ANKS1B: variants seen among roughly 807,000 people sequenced by gnomAD.
ANKS1B encodes ankyrin repeat and sterile alpha motif domain containing 1B.
Under a neutral mutation model 148.3 loss-of-function variants are expected in ANKS1B, and 36 were observed. The ratio of observed to expected loss-of-function variants is 0.24; its 90% CI spans 0.19 to 0.32. The LOEUF (loss-of-function observed/expected upper bound fraction) is 0.32, where lower values mean the gene tolerates loss of function less well. Ranked by LOEUF, ANKS1B falls within the 10% of genes least tolerant of loss-of-function variation. ANKS1B has a pLI of 1.00. For missense variants in ANKS1B, 1,157 were observed against 1,542.6 expected, an observed-to-expected ratio of 0.75 and a Z score of 4.19; for synonymous variants, 542 against 560.8, an observed-to-expected ratio of 0.97 and a Z score of 0.47.
At chr12:98,982,630 T>C (rs1358724389) in intron 17 of ANKS1B, among the ~76,000 whole-genome samples, 1 of 152,246 alleles carries the variant, frequency 6.6e-6, no homozygotes, top group Non-Finnish European at 1.5e-5. Flanking sequence ...TTTGAATGCA[T>C]GAACCTAATA....
At chr12:98,800,401 C>T (rs1252088203) in intron 21 of ANKS1B, among the ~76,000 whole-genome samples, 1 of 151,896 alleles carries the variant, frequency 6.6e-6, no homozygotes. Flanking sequence ...AAGGTTCAGC[C>T]ACTTTTTCTG....
At chr12:99,590,258 C>CA (rs1567422900) in intron 9 of ANKS1B, among the ~76,000 whole-genome samples, 2,459 of 132,868 alleles carry the variant, frequency 0.019, 47 homozygotes, top group African/African-American at 0.042. Context: ...CCACACCCAC[C>CA]CACACACACA....
intron 12 of ANKS1B, among the ~76,000 whole-genome samples, chr12:99,311,426 G>T (rs1282952554): frequency 6.6e-6 from 1 of 152,052 alleles, no homozygotes; most frequent in Non-Finnish European, 1.5e-5. Context: ...CAAAAGAAGG[G>T]CATATATATG....
intron 17 of ANKS1B, among the ~76,000 whole-genome samples, chr12:98,950,098 G>A (rs1387570025): frequency 1.3e-5 from 2 of 152,254 alleles, no homozygotes; most frequent in Non-Finnish European, 2.9e-5. Context: ...TGAAGTGAAA[G>A]AAGTCAGTGA....
At chr12:98,896,316 A>G (rs1352239512) in intron 17 of ANKS1B, among the ~76,000 whole-genome samples, 2 of 152,228 alleles carry the variant, frequency 1.3e-5, no homozygotes, top group Non-Finnish European at 2.9e-5. Context: ...TAGAAATATG[A>G]ATGAATTATT....
At chr12:99,800,552 T>C (rs1021172591) in intron 4 of ANKS1B, among the ~76,000 whole-genome samples, 2 of 151,506 alleles carry the variant, frequency 1.3e-5, no homozygotes, top group African/African-American at 4.9e-5. Context: ...AAATTCTGGA[T>C]ACAATTTGAG....
chr12:98,984,662 C>T (rs563195289), intron 17 of ANKS1B, among the ~76,000 whole-genome samples: 6 of 152,176 alleles, frequency 3.9e-5, no homozygotes, highest in Admixed American at 6.5e-5. Context: ...TTTCTTAGTC[C>T]GCACTGACAG....
intron 12 of ANKS1B, among the ~76,000 whole-genome samples, chr12:99,303,507 T>C (rs2154021799): frequency 6.6e-6 from 1 of 152,228 alleles, no homozygotes; most frequent in Non-Finnish European, 1.5e-5. Flanking sequence ...AAAAGGTGCC[T>C]GTACACATCC....
At chr12:98,882,475 C>G (rs2099710549) in intron 17 of ANKS1B, among the ~76,000 whole-genome samples, 1 of 152,146 alleles carries the variant, frequency 6.6e-6, no homozygotes, top group African/African-American at 2.4e-5. Flanking sequence ...AATAAACAAT[C>G]TAGCTATTGC....
chr12:98,778,906 G>C (rs942711241), intron 24 of ANKS1B, among the ~76,000 whole-genome samples: 3 of 152,152 alleles, frequency 2.0e-5, no homozygotes, highest in African/African-American at 7.2e-5. Context: ...TGTCATACTG[G>C]GGGAGATCAG....
At chr12:99,597,367 T>A (rs1296945900) in intron 9 of ANKS1B, among the ~76,000 whole-genome samples, 1 of 151,974 alleles carries the variant, frequency 6.6e-6, no homozygotes, top group African/African-American at 2.4e-5. Flanking sequence ...TTTTCCCTTA[T>A]GAATGAAGAA....
At chr12:99,026,677 T>C (rs941942387) in intron 17 of ANKS1B, among the ~76,000 whole-genome samples, 4 of 152,192 alleles carry the variant, frequency 2.6e-5, no homozygotes, top group African/African-American at 9.7e-5. Flanking sequence ...TCAGGCTAAC[T>C]ACTCTGCCAT....
chr12:99,759,195 T>C (rs1233916127), intron 8 of ANKS1B, among the ~76,000 whole-genome samples: 1 of 151,928 alleles, frequency 6.6e-6, no homozygotes, highest in Non-Finnish European at 1.5e-5. Context: ...GTTAGGAAAC[T>C]GTAAACAAAC....
intron 8 of ANKS1B, among the ~76,000 whole-genome samples, chr12:99,719,168 A>T (rs2057791682): frequency 6.6e-6 from 1 of 152,114 alleles, no homozygotes; most frequent in Non-Finnish European, 1.5e-5. Context: ...CTGCTTTAAT[A>T]CTTTTAGAGG....
intron 15 of ANKS1B, among the ~76,000 whole-genome samples, chr12:99,142,987 C>A (rs574008155): frequency 1.3e-5 from 2 of 152,180 alleles, no homozygotes; most frequent in Non-Finnish European, 2.9e-5. Context: ...CAGGATTACA[C>A]CTTTCTGAAA....
chr12:99,046,143 G>A (rs2099962163), intron 17 of ANKS1B, among the ~76,000 whole-genome samples: 1 of 152,106 alleles, frequency 6.6e-6, no homozygotes, highest in South Asian at 2.1e-4. Context: ...CCTCGTGGTG[G>A]GGAAGTATTG....
intron 25 of ANKS1B, among the ~76,000 whole-genome samples, chr12:98,769,986 T>C (rs2098545939): frequency 6.6e-6 from 1 of 152,222 alleles, no homozygotes; most frequent in Non-Finnish European, 1.5e-5. Context: ...AGGAAAACTT[T>C]GGAAGATAAA....
At chr12:98,846,517 A>G (rs1385818853) in intron 17 of ANKS1B, among the ~76,000 whole-genome samples, 1 of 152,236 alleles carries the variant, frequency 6.6e-6, no homozygotes, top group Non-Finnish European at 1.5e-5. Flanking sequence ...GACCAGGTTG[A>G]CCTGTGCAGT....
At chr12:99,114,429 G>A (rs2060911748) in intron 15 of ANKS1B, among the ~76,000 whole-genome samples, 1 of 152,174 alleles carries the variant, frequency 6.6e-6, no homozygotes, top group African/African-American at 2.4e-5. Context: ...CTATGCATCT[G>A]ACAGAAGTCT....
Sources: gnomAD v4.1 joint callset for allele counts (sites outside exome capture counted in the v4.1 genomes callset) on GRCh38, gnomAD v4.1.1 for gene constraint, MANE v1.5 for transcripts, NCBI Gene and HGNC (gene_info 2026-07-23, HGNC 2026-07-21) for gene names.